Variants in SAMD12 observed in about 807,000 individuals in gnomAD.
SAMD12 encodes sterile alpha motif domain containing 12.
A neutral mutation model predicts 15.0 loss-of-function variants in SAMD12; 9 were observed. The observed-to-expected ratio is 0.60, with a 90% CI of 0.36 to 1.05. SAMD12 has a LOEUF of 1.05. SAMD12 is among the 50% of genes least tolerant of loss of function. The pLI is 0.01. For synonymous variants in SAMD12, 86 were observed against 90.1 expected, an observed-to-expected ratio of 0.96 and a Z score of 0.25; for missense variants, 230 against 234.2, an observed-to-expected ratio of 0.98 and a Z score of 0.12.
chr8:118,463,218 TGGTGGGGCTAGAACCTTGAACTCGTTGG>T (rs1461799454), intron 2 of SAMD12, among the ~76,000 whole-genome samples: 1 of 147,254 alleles, frequency 6.8e-6, no homozygotes, highest in Non-Finnish European at 1.5e-5. Context: ...ACTTCCCAGG[TGGTGGGGCTAGAACCTTGAACTCGTTGG>T]GGTGGGGCTG....
rs1586754068 is a variant in SAMD12, at chr8:118,484,091, G to T, written c.193-44130C>A. Among the ~76,000 whole-genome samples the T allele has an allele frequency of 2.0e-5, 3 of 152,324 alleles. No homozygotes were observed. In the South Asian group the frequency reaches 6.2e-4, roughly 32 times the overall value. On this transcript the variant is annotated intron_variant, in intron 2 of 3. Coordinates refer to ENST00000314727, the MANE Select transcript of SAMD12 (RefSeq NM_207506.3). The stretch of plus-strand genomic sequence containing the variant: ...CATGCTATGAGGACAACAGAGTAGG[G>T]TAAGGGGAAAGGGTGGGAGAACTTA...
intron 4 of SAMD12, among the ~76,000 whole-genome samples, chr8:118,280,544 T>C (rs930736937): frequency 3.3e-5 from 5 of 152,094 alleles, no homozygotes; most frequent in African/African-American, 1.2e-4. Context: ...TTAAATACTA[T>C]CATACATGAT....
intron 3 of SAMD12, among the ~76,000 whole-genome samples, chr8:118,426,768 A>G (rs1822247640): frequency 6.6e-6 from 1 of 152,156 alleles, no homozygotes; most frequent in African/African-American, 2.4e-5. Context: ...AATAAAAATA[A>G]TGTATGTTTT....
intron 4 of SAMD12, among the ~76,000 whole-genome samples, chr8:118,335,119 A>T (rs1490355546): frequency 6.6e-6 from 1 of 152,164 alleles, no homozygotes; most frequent in Non-Finnish European, 1.5e-5. Context: ...TTGTGGGTCC[A>T]GAAACGTCCT....
chr8:118,326,727 T>C (rs1417613458), intron 4 of SAMD12, among the ~76,000 whole-genome samples: 1 of 152,156 alleles, frequency 6.6e-6, no homozygotes, highest in Non-Finnish European at 1.5e-5. Flanking sequence ...TCAGATACTT[T>C]GTGGCAATGG....
intron 3 of SAMD12, among the ~76,000 whole-genome samples, chr8:118,410,717 C>A (rs1415939789): frequency 6.6e-6 from 1 of 152,162 alleles, no homozygotes; most frequent in Non-Finnish European, 1.5e-5. Flanking sequence ...CCGAGAATGG[C>A]TTCAGTTAAC....
intron 2 of SAMD12, among the ~76,000 whole-genome samples, chr8:118,496,754 G>A (rs902688655): frequency 3.3e-5 from 5 of 152,148 alleles, no homozygotes; most frequent in Non-Finnish European, 7.4e-5. Flanking sequence ...CACAGCAGAA[G>A]AAACAATCAA....
intron 4 of SAMD12, among the ~76,000 whole-genome samples, chr8:118,207,174 G>A (rs1819884267): frequency 6.6e-6 from 1 of 152,182 alleles, no homozygotes; most frequent in Non-Finnish European, 1.5e-5. Context: ...CAGTCTCTGG[G>A]GAATGTTTCC....
chr8:118,370,842 A>C (rs1819058692), intron 4 of SAMD12, among the ~76,000 whole-genome samples: 4 of 152,168 alleles, frequency 2.6e-5, no homozygotes. Flanking sequence ...TGCCGGGCTT[A>C]ATACCTAAGT....
intron 2 of SAMD12, among the ~76,000 whole-genome samples, chr8:118,456,110 C>T (rs1442707720): frequency 6.6e-6 from 1 of 152,226 alleles, no homozygotes; most frequent in African/African-American, 2.4e-5. Context: ...GCAAGGCCCT[C>T]TCTCCTAATG....
the SAMD12 span, among the ~76,000 whole-genome samples, chr8:118,139,531 T>C: frequency 6.6e-6 from 1 of 152,058 alleles, no homozygotes. Context: ...ACTATATCTA[T>C]ATATTTTTAG....
chr8:118,333,469 A>G (rs975456884), intron 4 of SAMD12, among the ~76,000 whole-genome samples: 2 of 152,180 alleles, frequency 1.3e-5, no homozygotes, highest in African/African-American at 4.8e-5. Flanking sequence ...ATGTTCATGA[A>G]TAGCTGACGT....
At chr8:118,420,263 T>A (rs1234642377) in intron 3 of SAMD12, among the ~76,000 whole-genome samples, 1 of 152,164 alleles carries the variant, frequency 6.6e-6, no homozygotes, top group African/African-American at 2.4e-5. Flanking sequence ...TTTGTGGTGC[T>A]ATGTTTTGCA....
the SAMD12 span, among the ~76,000 whole-genome samples, chr8:118,142,210 G>A: frequency 1.3e-5 from 2 of 152,204 alleles, no homozygotes. Context: ...ACAAATGTTA[G>A]AAGCAGACTC....
chr8:118,132,972 GTATATATATATA>G, the SAMD12 span, among the ~76,000 whole-genome samples: 1,270 of 48,186 alleles, frequency 0.026, 82 homozygotes, highest in East Asian at 0.063. Context: ...GTGTGTGTGT[GTATATATATATA>G]TATATATATA....
intron 4 of SAMD12, among the ~76,000 whole-genome samples, chr8:118,324,302 G>A (rs915253532): frequency 6.6e-6 from 1 of 152,158 alleles, no homozygotes; most frequent in African/African-American, 2.4e-5. Flanking sequence ...GAGGGAAGGT[G>A]ATTTTCATAA....
At chr8:118,465,316 A>C (rs530321821) in intron 2 of SAMD12, among the ~76,000 whole-genome samples, 1 of 152,068 alleles carries the variant, frequency 6.6e-6, no homozygotes, top group South Asian at 2.1e-4. Flanking sequence ...CGATTACTCA[A>C]CTTTTTTTTT....
the SAMD12 span, among the ~76,000 whole-genome samples, chr8:118,153,482 A>T: frequency 1.3e-5 from 2 of 152,222 alleles, no homozygotes; most frequent in Admixed American, 6.5e-5. Context: ...GGGTAAAAAA[A>T]ATGGGGCCAA....
At chr8:118,145,605 G>A in the SAMD12 span, among the ~76,000 whole-genome samples, 1 of 152,184 alleles carries the variant, frequency 6.6e-6, no homozygotes, top group Admixed American at 6.5e-5. Flanking sequence ...ACAAAGTAAG[G>A]ATTTCAGGAG....
Sources: allele counts gnomAD v4.1 joint callset (sites outside exome capture counted in the v4.1 genomes callset), GRCh38; gene constraint gnomAD v4.1.1; transcripts MANE v1.5; gene names NCBI Gene and HGNC (gene_info 2026-07-23, HGNC 2026-07-21).